Variants in RAB3IL1 observed in about 807,000 individuals in gnomAD.
RAB3IL1 encodes RAB3A interacting protein like 1, also known as guanine nucleotide exchange factor for Rab-3A.
A neutral mutation model predicts 49.2 loss-of-function variants in RAB3IL1; 37 were observed. The observed-to-expected ratio is 0.75, with a 90% CI of 0.58 to 0.99. RAB3IL1 has a LOEUF of 0.99. Ranked by LOEUF, RAB3IL1 falls within the 50% of genes least tolerant of loss-of-function variation. RAB3IL1 has a pLI of 0.00. For synonymous variants in RAB3IL1, 193 were observed against 213.9 expected, an observed-to-expected ratio of 0.90 and a Z score of 0.85; for missense variants, 484 against 513.0, an observed-to-expected ratio of 0.94 and a Z score of 0.55.
In RAB3IL1 at chr11:61,898,976, G is replaced by A; in HGVS notation, c.1066+338C>T. 1.9e-6 allele frequency: 1 copy of A among 514,640 alleles called. No homozygotes were observed. The allele number at this position is 514,640 out of a possible 1,614,324, so 31.9% of individuals were successfully genotyped here. On this transcript the variant is annotated intron_variant, in intron 9 of 9. Transcript: ENST00000394836. The surrounding 1 kb of genome is among the most constrained non-coding windows in gnomAD (Gnocchi z 5.1). ...AGGGAGGCCCTGTCCAGCATGGAGT[G>A]GAGTGGGAGCAAAGGCTGGAGGTGG...
At chr11:61,921,929 C>T (rs959881463), upstream of RAB3IL1, among the ~76,000 whole-genome samples, 3 of 152,114 alleles carry the variant, frequency 2.0e-5, no homozygotes, top group Non-Finnish European at 4.4e-5. Flanking sequence ...TGGCTCATGC[C>T]TGTAATCCCA....
the RAB3IL1 span, among the ~76,000 whole-genome samples, chr11:61,931,577 G>A: frequency 2.0e-5 from 3 of 151,918 alleles, no homozygotes; most frequent in Non-Finnish European, 4.4e-5. Flanking sequence ...AACCCAGTAA[G>A]CAGAAGAAAA....
At chr11:61,902,256 T>C (rs1208331972) in intron 8 of RAB3IL1, among the ~76,000 whole-genome samples, 186 bp downstream of exon 8, 3 of 152,210 alleles carry the variant, frequency 2.0e-5, no homozygotes, top group Non-Finnish European at 4.4e-5. Flanking sequence ...AGGCAGACAT[T>C]GCAGTGAACT....
intron 1 of RAB3IL1, 103 bp downstream of exon 1, chr11:61,917,254 C>A: frequency 1.5e-6 from 2 of 1,309,628 alleles, no homozygotes; most frequent in Non-Finnish European, 1.9e-6. Context: ...ACAGCACCTC[C>A]GGGTGGCGGC....
rs115102312 is a variant in RAB3IL1 at position 61,907,889 on chromosome 11, C to T, written c.264+165G>A. 5.7e-3 allele frequency among the ~76,000 whole-genome samples: 863 copies of T among 152,308 alleles called. 10 individuals carry two copies. Among genetic ancestry groups the T allele is most frequent in the African/African-American group, 0.02 (830 of 41,554 alleles). On this transcript the variant is annotated intron_variant, in intron 2 of 9. Transcript: ENST00000394836. ...GCTCAGGGCACGTTTGCAGTCAAGA[C>T]GGGTGACCATCGGTGCGCCCAGTAC...
the RAB3IL1 span, among the ~76,000 whole-genome samples, chr11:61,934,933 AAAAACAAAAC>A: frequency 6.6e-6 from 1 of 152,178 alleles, no homozygotes; most frequent in African/African-American, 2.4e-5. Flanking sequence ...AAAGTCACCA[AAAAACAAAAC>A]AAAACAAAAC....
At chr11:61,938,451 TA>T in the RAB3IL1 span, among the ~76,000 whole-genome samples, 4 of 152,016 alleles carry the variant, frequency 2.6e-5, no homozygotes, top group East Asian at 7.7e-4. Context: ...CCTAATATTA[TA>T]AAAAATAGAC....
upstream of RAB3IL1, chr11:61,917,675 C>A: frequency 1.5e-6 from 1 of 648,024 alleles, no homozygotes; most frequent in Non-Finnish European, 1.9e-6. Flanking sequence ...CCCGGCCCGC[C>A]GCGCCGGGAC....
At chr11:61,936,951 G>T in the RAB3IL1 span, among the ~76,000 whole-genome samples, 1 of 152,058 alleles carries the variant, frequency 6.6e-6, no homozygotes, top group South Asian at 2.1e-4. Flanking sequence ...AATGCTAAAG[G>T]GAGCTGTTCA....
the RAB3IL1 span, among the ~76,000 whole-genome samples, chr11:61,940,553 A>C: frequency 6.6e-6 from 1 of 152,086 alleles, no homozygotes; most frequent in East Asian, 1.9e-4. Context: ...TTGGGAGGCC[A>C]AGGCGAGAGG....
upstream of RAB3IL1, among the ~76,000 whole-genome samples, chr11:61,922,536 AG>A (rs1262574926): frequency 6.6e-6 from 1 of 151,684 alleles, no homozygotes; most frequent in Non-Finnish European, 1.5e-5. Flanking sequence ...AAAAAAAAAA[AG>A]AAGAAGAAGA....
chr11:61,941,217 G>A, the RAB3IL1 span, among the ~76,000 whole-genome samples: 1 of 151,692 alleles, frequency 6.6e-6, no homozygotes, highest in Non-Finnish European at 1.5e-5. Flanking sequence ...TAGATTAAAT[G>A]AACAAATGCC....
the RAB3IL1 span, among the ~76,000 whole-genome samples, chr11:61,927,474 A>G: frequency 6.6e-6 from 1 of 152,160 alleles, no homozygotes; most frequent in South Asian, 2.1e-4. Context: ...ACCTAGACTT[A>G]AGGTTAGGAG....
chr11:61,900,518 A>T (rs1938856159), intron 8 of RAB3IL1, among the ~76,000 whole-genome samples: 1 of 152,132 alleles, frequency 6.6e-6, no homozygotes, highest in Non-Finnish European at 1.5e-5. Context: ...CCGTCGTGGC[A>T]GGGACACCGC....
intron 8 of RAB3IL1, 93 bp from the exon 9 acceptor site, chr11:61,899,473 T>C (rs1317616258): frequency 1.0e-5 from 13 of 1,268,440 alleles, no homozygotes; most frequent in Middle Eastern, 1.8e-4. Flanking sequence ...AGGCCCCAGG[T>C]CCCTGCAGAG....
chr11:61,917,411 GCGT>G lies in RAB3IL1; in HGVS notation c.-47_-45del. ...CCAGGCGTCCGTTCCCAGCGCCGCC[GCGT>G]CCTCCCAGCGCCGCGTCCCCGCCCG... On this transcript the variant is annotated 5_prime_UTR_variant, in exon 1 of 10. Coordinates refer to ENST00000394836, the MANE Select transcript of RAB3IL1 (RefSeq NM_013401.4). 8.2e-7 allele frequency: 1 copy of G among 1,218,530 alleles called. No individual in the cohort carries two copies. The highest frequency in any genetic ancestry group is 1.0e-6 in the Non-Finnish European group (1 of 981,562). 75.5% of individuals were successfully genotyped at this position (1,218,530 alleles called of 1,614,324 possible).
upstream of RAB3IL1, chr11:61,920,362 C>G (rs1016253727): frequency 4.6e-6 from 4 of 864,704 alleles, no homozygotes; most frequent in African/African-American, 5.2e-5. Flanking sequence ...TCCTTCAACC[C>G]CGTAATTATT....
Position 61,899,068 on chromosome 11 carries a change from GGGTGGC to G in RAB3IL1, c.1066+240_1066+245del, listed in dbSNP as rs1938761620. On this transcript the variant is annotated intron_variant, in intron 9 of 9. Transcript: ENST00000394836. ...TCCAGGGCCAGGGAGAGATTCACAGGGGTGGCCCCCTTGTGCGGGGCCGGGAGAGGT... is the reference window on the plus strand; with the variant it reads ...TCCAGGGCCAGGGAGAGATTCACAGGCCCCTTGTGCGGGGCCGGGAGAGGT... 4.2e-5 allele frequency: 24 copies of G among 573,820 alleles called. No individual in the cohort carries two copies. The South Asian group carries it at 4.4e-4, about 11-fold the overall frequency. 35.5% of individuals were successfully genotyped at this position (573,820 alleles called of 1,614,324 possible).
In RAB3IL1 at chr11:61,898,855, C is replaced by G. The variant is rs766848368; in HGVS notation, c.1066+459G>C. The G allele has an allele frequency of 4.3e-6, 2 of 468,838 alleles. No individual in the cohort carries two copies. The highest frequency in any genetic ancestry group is 8.5e-6 in the Non-Finnish European group (2 of 235,752). 29.0% of individuals were successfully genotyped at this position (468,838 alleles called of 1,614,324 possible). On this transcript the variant is annotated intron_variant, in intron 9 of 9. Transcript: ENST00000394836. The surrounding 1 kb of genome is among the most constrained non-coding windows in gnomAD (Gnocchi z 5.1). Reference sequence around the variant, plus strand: ...ATAGCTCCTTACTCAGAGGGTCGGGCCAGACTGGTTCAGGAGAAGACTCAG... The same window carrying G: ...ATAGCTCCTTACTCAGAGGGTCGGGGCAGACTGGTTCAGGAGAAGACTCAG...
Sources: allele counts gnomAD v4.1 joint callset (sites outside exome capture counted in the v4.1 genomes callset), GRCh38; gene constraint gnomAD v4.1.1; non-coding constraint Gnocchi (gnomAD v3.1); transcripts MANE v1.5; gene names NCBI Gene and HGNC (gene_info 2026-07-23, HGNC 2026-07-21).